EFNB2: variants seen among roughly 807,000 people sequenced by gnomAD.
EFNB2 encodes ephrin-B2.
A neutral mutation model predicts 32.1 loss-of-function variants in EFNB2; 5 were observed. That is an observed-to-expected ratio of 0.16 (90% CI 0.08 to 0.33). The LOEUF is 0.33. EFNB2 is among the 10% of genes least tolerant of loss of function. The pLI, the probability that EFNB2 is intolerant of heterozygous loss-of-function variation, is 1.00. For synonymous variants in EFNB2, 168 were observed against 166.5 expected (o/e 1.01, Z -0.07); for missense variants, 263 against 422.6 (o/e 0.62, Z 3.31).
At chr13:106,496,431 T>G (rs868601016) in intron 2 of EFNB2, among the ~76,000 whole-genome samples, 6 of 152,212 alleles carry the variant, frequency 3.9e-5, no homozygotes, top group Non-Finnish European at 4.4e-5. Context: ...TCCTCCATCG[T>G]TTTGTAAATC....
At chr13:106,534,724 A>T in intron 1 of EFNB2, 119 bp downstream of exon 1, 1 of 1,183,558 alleles carries the variant, frequency 8.4e-7, no homozygotes, top group Non-Finnish European at 1.2e-6. Context: ...GGGGTGGGGG[A>T]CGGGGAACCG....
intron 2 of EFNB2, among the ~76,000 whole-genome samples, chr13:106,507,225 C>A (rs1402772242): frequency 6.6e-6 from 1 of 152,112 alleles, no homozygotes; most frequent in African/African-American, 2.4e-5. Context: ...GCTTTTGCTA[C>A]ATTTATCGTA....
rs547321879 is a variant in EFNB2 at position 106,515,187 on chromosome 13, G to GGGTT, written c.123-2376_123-2375insAACC. Among the ~76,000 whole-genome samples the GGGTT allele has an allele frequency of 6.4e-4, 97 of 152,286 alleles. 1 individual carries two copies. In the East Asian group the frequency reaches 0.018, roughly 28 times the overall value. Reference sequence around the variant, plus strand: ...GTGAGGTCGAGAACATGGGACGCAGGGGTCGGTGTGGCTTTGGGGATCTCT... The same window carrying GGGTT: ...GTGAGGTCGAGAACATGGGACGCAGGGGTTGGTCGGTGTGGCTTTGGGGATCTCT... On this transcript the variant is annotated intron_variant, in intron 1 of 4. Coordinates refer to ENST00000646441, the MANE Select transcript of EFNB2 (RefSeq NM_004093.4).
chr13:106,494,837 G>C, intron 4 of EFNB2, 44 bp downstream of exon 4: 1 of 1,438,850 alleles, frequency 6.9e-7, no homozygotes, highest in Non-Finnish European at 9.8e-7. Flanking sequence ...TACTAAGAAT[G>C]TGGTACCCAC....
At chr13:106,515,396 G>C (rs1437875377) in intron 1 of EFNB2, among the ~76,000 whole-genome samples, 2 of 152,144 alleles carry the variant, frequency 1.3e-5, no homozygotes, top group East Asian at 3.8e-4. Context: ...TATCAAAGCG[G>C]AAGTGTGGTG....
At chr13:106,513,393 T>C (rs1229457944) in intron 1 of EFNB2, among the ~76,000 whole-genome samples, 2 of 152,212 alleles carry the variant, frequency 1.3e-5, no homozygotes, top group African/African-American at 4.8e-5. Flanking sequence ...AAAAGCAATG[T>C]CTTACAAATG....
chr13:106,511,795 G>A (rs923163415), intron 2 of EFNB2, among the ~76,000 whole-genome samples: 3 of 152,004 alleles, frequency 2.0e-5, no homozygotes, highest in South Asian at 2.1e-4. Flanking sequence ...TGACGCTGAC[G>A]AGAGATCTGC....
chr13:106,517,093 T>C (rs1048522424), intron 1 of EFNB2: 1 of 152,226 alleles, frequency 6.6e-6, no homozygotes, highest in Non-Finnish European at 1.5e-5. Context: ...ACAGCACATC[T>C]ATCTATGCCC....
At chr13:106,512,454 G>A in intron 2 of EFNB2, 75 bp downstream of exon 2, 2 of 962,466 alleles carry the variant, frequency 2.1e-6, no homozygotes, top group Non-Finnish European at 2.7e-6. Flanking sequence ...ATAATTTTAA[G>A]GAAACAAAAA....
Position 106,494,241 on chromosome 13 carries a change from G to A in EFNB2, c.613+640C>T, listed in dbSNP as rs141130404. Among the ~76,000 whole-genome samples the A allele has an allele frequency of 3.3e-5, 5 of 152,312 alleles. No individual in the cohort carries two copies. In the East Asian group the frequency reaches 9.7e-4, roughly 29 times the overall value. On this transcript the variant is annotated intron_variant, in intron 4 of 4. Transcript: ENST00000646441. ...ACAATCCTAATACAAAACTGCTGATGTCTGCTCAACAGCTACTCTATAAAA... is the reference window on the plus strand; with the variant it reads ...ACAATCCTAATACAAAACTGCTGATATCTGCTCAACAGCTACTCTATAAAA...
At chr13:106,530,713 T>C (rs897205891) in intron 1 of EFNB2, among the ~76,000 whole-genome samples, 10 of 152,216 alleles carry the variant, frequency 6.6e-5, no homozygotes, top group African/African-American at 2.4e-4. Context: ...GGATCTCGAA[T>C]AGTTTCCCAT....
chr13:106,496,053 G>A lies in EFNB2; in HGVS notation c.407-213C>T, dbSNP rs987690998. Among the ~76,000 whole-genome samples the A allele has an allele frequency of 5.9e-5, 9 of 152,262 alleles. No individual in the cohort carries two copies. The East Asian group carries it at 7.7e-4, about 13-fold the overall frequency. On this transcript the variant is annotated intron_variant, in intron 2 of 4. Coordinates refer to ENST00000646441, the MANE Select transcript of EFNB2 (RefSeq NM_004093.4). ...ATGGATATCGGAAACACTGCCGCAC[G>A]TATGCTATCTGACTCCAAATTTATT...
Position 106,489,995 on chromosome 13 carries a change from C to T in EFNB2, c.*3045G>A, listed in dbSNP as rs759032910. On this transcript the variant is annotated 3_prime_UTR_variant, in exon 5 of 5. Coordinates refer to ENST00000646441, the MANE Select transcript of EFNB2 (RefSeq NM_004093.4). ...AATAAATATTCATGGTACATAATTA[C>T]GGCACAAATATGCAGCAATTTGGCA... 1 of 152,566 alleles carries T rather than the reference C, an allele frequency of 6.6e-6. No homozygotes were observed. Among genetic ancestry groups the T allele is most frequent in the Non-Finnish European group, 1.5e-5 (1 of 68,034 alleles). The allele number at this position is 152,566 out of a possible 1,614,324, so 9.5% of individuals were successfully genotyped here.
intron 1 of EFNB2, chr13:106,521,765 T>C (rs893309653): frequency 1.3e-5 from 2 of 152,056 alleles, no homozygotes; most frequent in Non-Finnish European, 2.9e-5. Context: ...TTAAGCTTTT[T>C]TTTTTTTTCT....
At chr13:106,495,617 A>G (rs1878564437) in intron 3 of EFNB2, 131 bp downstream of exon 3, 1 of 814,130 alleles carries the variant, frequency 1.2e-6, no homozygotes, top group Non-Finnish European at 2.0e-6. Flanking sequence ...AGTGGCTCAA[A>G]GTGCAGAAGG....
intron 2 of EFNB2, among the ~76,000 whole-genome samples, chr13:106,508,101 A>C (rs1006546437): frequency 3.3e-5 from 5 of 152,208 alleles, no homozygotes; most frequent in Non-Finnish European, 5.9e-5. Flanking sequence ...ACCAGCCCAC[A>C]GAACCTTCGT....
At chr13:106,520,297 T>C (rs1566461452) in intron 1 of EFNB2, 1 of 152,182 alleles carries the variant, frequency 6.6e-6, no homozygotes, top group Non-Finnish European at 1.5e-5. Flanking sequence ...AGAAGTCGAG[T>C]ACAAACTGGT....
intron 2 of EFNB2, chr13:106,506,735 C>CTT (rs1566457614): frequency 6.6e-6 from 1 of 152,186 alleles, no homozygotes; most frequent in Non-Finnish European, 1.5e-5. Flanking sequence ...AAAGTTAACT[C>CTT]TTAGTTATAT....
intron 1 of EFNB2, among the ~76,000 whole-genome samples, chr13:106,531,672 G>C (rs1879875938): frequency 6.6e-6 from 1 of 152,180 alleles, no homozygotes; most frequent in Non-Finnish European, 1.5e-5. Flanking sequence ...GAGCCTGATT[G>C]TGGTGAAGCC....
Sources: allele counts gnomAD v4.1 joint callset (sites outside exome capture counted in the v4.1 genomes callset), GRCh38; gene constraint gnomAD v4.1.1; transcripts MANE v1.5; gene names NCBI Gene and HGNC (gene_info 2026-07-23, HGNC 2026-07-21).